KRT40: variants seen among roughly 807,000 people sequenced by gnomAD.
The protein encoded by KRT40 is keratin 40, also known as keratin, type I cytoskeletal 40.
Under a neutral mutation model 43.5 loss-of-function variants are expected in KRT40, and 47 were observed. The observed-to-expected ratio is 1.08, with a 90% confidence interval of 0.86 to 1.38. KRT40 has a LOEUF of 1.38. Ranked by LOEUF, KRT40 falls within the 40% of genes most tolerant of loss-of-function variation. KRT40 has a pLI of 0.00. For synonymous variants in KRT40, 212 were observed against 214.0 expected, an observed-to-expected ratio of 0.99 and a Z score of 0.08; for missense variants, 573 against 523.6, an observed-to-expected ratio of 1.09 and a Z score of -0.92.
At chr17:40,982,921 C>A (rs1435274413) in intron 2 of KRT40, 125 bp downstream of exon 2, 1 of 507,448 alleles carries the variant, frequency 2.0e-6, no homozygotes, top group East Asian at 3.4e-5. Context: ...GGCAGGAGAA[C>A]CACTTGAACC....
In KRT40 at chr17:40,978,024, A is replaced by G. The variant is rs1266312308; in HGVS notation, c.*173T>C. 3.5e-6 allele frequency: 2 copies of G among 567,846 alleles called. No homozygotes were observed. Among genetic ancestry groups the G allele is most frequent in the African/African-American group, 3.7e-5 (2 of 53,576 alleles). 35.2% of individuals were successfully genotyped at this position (567,846 alleles called of 1,614,324 possible). A position where few individuals can be genotyped will look rare whatever the true frequency, so the allele number is the denominator to read the frequency against. The stretch of plus-strand genomic sequence containing the variant: ...ATGGGCTTCCAGTATACCACAAATA[A>G]GCCGGAAGGAGAGGAAATAGTAAAG... On this transcript the variant is annotated 3_prime_UTR_variant, in exon 7 of 7. Coordinates refer to ENST00000377755, the MANE Select transcript of KRT40 (RefSeq NM_001389244.1).
At position 40,981,042 on chromosome 17, in the gene KRT40, T is replaced by G. The variant is rs202129270; in HGVS notation, c.797A>C (p.Glu266Ala). 8 of 1,614,246 alleles carry G rather than the reference T, an allele frequency of 5.0e-6. No homozygotes were observed. Among genetic ancestry groups the G allele is most frequent in the Non-Finnish European group, 6.8e-6 (8 of 1,180,044 alleles). The change falls in exon 4 of 7, where the codon GAA (glutamate) becomes GCA (alanine). Residue 266 changes from glutamate to alanine, a missense_variant. By Grantham distance (107) the Glu-to-Ala change is moderately radical (BLOSUM62 -1). Transcript: ENST00000377755. ...TCTGCGATTGTTGGCAAGCACCGTT[T>G]CACACTGACAGCGCATCTCATCCAG... ...RVLDEMRCQC[E>A]TVLANNRREA...
chr17:40,979,146 T>A, intron 5 of KRT40, 122 bp from the exon 6 acceptor site: 1 of 689,176 alleles, frequency 1.5e-6, no homozygotes. Flanking sequence ...ATTTAGCTTC[T>A]GTGAGTCTCA....
Position 40,978,836 on chromosome 17 carries a change from C to A in KRT40, c.1164G>T (p.Thr388=), listed in dbSNP as rs375959611. 2 of 1,612,958 alleles carry A rather than the reference C, an allele frequency of 1.2e-6. No individual in the cohort carries two copies. Among genetic ancestry groups the A allele is most frequent in the Admixed American group, 1.7e-5 (1 of 60,012 alleles). ...VKARLEGEIN[T]YWGLLDSEDS... is the part of the protein sequence containing the mutation. ...CCTCGCTGTCCAGCAGGCCCCAGTA[C>A]GTGTTGATCTCACCCTCCAGCCGGG... is the stretch of plus-strand genomic sequence containing the variant. Residue 388 remains threonine (T), a synonymous_variant, in exon 6 of 7, where the codon ACG becomes ACT. Transcript: ENST00000377755.
Position 40,978,297 on chromosome 17 carries a change from C to T in KRT40, c.1197-1G>A, listed in dbSNP as rs1471173542. 3.7e-6 allele frequency: 6 copies of T among 1,613,024 alleles called. No homozygotes were observed. Among genetic ancestry groups the T allele is most frequent in the Non-Finnish European group, 5.1e-6 (6 of 1,179,140 alleles). ...GGTCGAACATGGGCTACAGGAAAGC[C>T]TGGGGAAAAATCGATTTTCAACCAA... On this transcript the variant is annotated splice_acceptor_variant, in intron 6 of 6. Coordinates refer to ENST00000377755, the MANE Select transcript of KRT40 (RefSeq NM_001389244.1). LOFTEE classifies it high-confidence loss of function.
upstream of KRT40, among the ~76,000 whole-genome samples, chr17:40,986,611 C>A (rs984974382): frequency 6.6e-6 from 1 of 152,058 alleles, no homozygotes; most frequent in African/African-American, 2.4e-5. Flanking sequence ...TCTTCTTACC[C>A]CCATGCCACC....
Position 40,980,913 on chromosome 17 carries a change from G to A in KRT40, c.850-3C>T. ...TGCTGCTGATTCAGCTCTTCTGTCTGAAACACAGACACCATTAGAGAATTC... is the reference window on the plus strand; with the variant it reads ...TGCTGCTGATTCAGCTCTTCTGTCTAAAACACAGACACCATTAGAGAATTC... On this transcript the variant is annotated splice_region_variant and splice_polypyrimidine_tract_variant and intron_variant, in intron 4 of 6. Transcript: ENST00000377755. 6.2e-7 allele frequency: 1 copy of A among 1,614,110 alleles called. No homozygotes were observed. Among genetic ancestry groups the A allele is most frequent in the South Asian group, 1.1e-5 (1 of 91,072 alleles).
chr17:40,986,254 A>G (rs932286805), upstream of KRT40: 1 of 152,286 alleles, frequency 6.6e-6, no homozygotes, highest in East Asian at 1.9e-4. Flanking sequence ...AATAAAAAAA[A>G]CCAAAAAACA....
At chr17:40,986,247 A>T (rs976458105), upstream of KRT40, 9 of 142,044 alleles carry the variant, frequency 6.3e-5, no homozygotes, top group South Asian at 2.1e-4. Flanking sequence ...ATAAATAAAT[A>T]AAAAAAACCA....
chr17:40,979,946 C>T (rs539112770), intron 5 of KRT40, among the ~76,000 whole-genome samples: 1 of 152,242 alleles, frequency 6.6e-6, no homozygotes, highest in East Asian at 1.9e-4. Flanking sequence ...GTGATGGATG[C>T]TCTAAATATC....
Position 40,983,904 on chromosome 17 carries a change from G to T in KRT40, c.370C>A (p.Gln124Lys). ...NAELESRIQE[Q>K]CEQDIPMVCP... is the part of the protein sequence containing the mutation. ...ACCATTGGGATATCCTGTTCACATT[G>T]TTCTTGGATCCTGGATTCCAGCTCT... is the stretch of plus-strand genomic sequence containing the variant. Residue 124 changes from glutamine to lysine, a missense_variant, in exon 1 of 7, where the codon CAA becomes AAA. Transcript: ENST00000377755. 6.2e-7 allele frequency: 1 copy of T among 1,614,132 alleles called. No individual in the cohort carries two copies. The highest frequency in any genetic ancestry group is 1.3e-5 in the African/African-American group (1 of 75,030).
Position 40,984,001 on chromosome 17 carries a change from C to G in KRT40, c.273G>C (p.Glu91Asp). 6.2e-7 allele frequency: 1 copy of G among 1,614,160 alleles called. No individual in the cohort carries two copies. The highest frequency in any genetic ancestry group is 1.7e-5 in the Admixed American group (1 of 60,008). Residue 91 changes from glutamate (E) to aspartate (D), a missense_variant, in exon 1 of 7, where the codon GAG becomes GAC. Transcript: ENST00000377755. ...EDGVFTSNEKETMQFLNDRLA... is the reference protein window; with the variant it reads ...EDGVFTSNEKDTMQFLNDRLA... ...GTCTGTCATTCAGGAACTGCATCGT[C>G]TCCTTCTCATTGCTAGTGAACACCC...
rs765102889 is a variant in KRT40, at chr17:40,981,112, T to A, written c.727A>T (p.Ser243Cys). 6.2e-7 allele frequency: 1 copy of A among 1,614,142 alleles called. No individual in the cohort carries two copies. The highest frequency in any genetic ancestry group is 1.7e-4 in the Middle Eastern group (1 of 6,060). ...LLREQLGDRL[S>C]VELDTAPTLD... ...GTGGGGGCAGTGTCCAGCTCCACAC[T>A]GAGGCGGTCGCCAAGCTGTTCACGA... is the stretch of plus-strand genomic sequence containing the variant. The change falls in exon 4 of 7, where the codon AGT becomes TGT. Residue 243 changes from serine to cysteine, a missense_variant. Ser to Cys is a moderately radical substitution (Grantham distance 112). Coordinates refer to ENST00000377755, the MANE Select transcript of KRT40 (RefSeq NM_001389244.1).
chr17:40,986,523 C>G (rs1210615818), upstream of KRT40: 1 of 152,268 alleles, frequency 6.6e-6, no homozygotes, highest in Non-Finnish European at 1.5e-5. Context: ...GCTGTGCTGC[C>G]CATTGCTTCC....
In KRT40 at chr17:40,982,381, A is replaced by T. The variant is rs759859787; in HGVS notation, c.613T>A (p.Cys205Ser). 1 of 1,612,182 alleles carries T rather than the reference A, an allele frequency of 6.2e-7. No homozygotes were observed. Among genetic ancestry groups the T allele is most frequent in the Non-Finnish European group, 8.5e-7 (1 of 1,179,144 alleles). The change falls in exon 3 of 7, where the codon TGC becomes AGC. Residue 205 changes from cysteine to serine, a missense_variant. By Grantham distance (112) the Cys-to-Ser change is moderately radical. Transcript: ENST00000377755. Reference protein sequence around the residue: ...LHGILEELTLCKSDLEAHVES... With the variant: ...LHGILEELTLSKSDLEAHVES... ...ACATGGGCCTCCAGATCAGATTTGC[A>T]CAGGGTCAGTTCCTCCAGGATCCCA...
rs528511961 is a variant in KRT40, at chr17:40,978,940, G to A, written c.1060C>T (p.Leu354=). 6.2e-7 allele frequency: 1 copy of A among 1,614,124 alleles called. No individual in the cohort carries two copies. The highest frequency in any genetic ancestry group is 8.5e-7 in the Non-Finnish European group (1 of 1,180,012). The change falls in exon 6 of 7, where the codon CTG becomes TTG. Residue 354 remains leucine, a synonymous_variant. Coordinates refer to ENST00000377755, the MANE Select transcript of KRT40 (RefSeq NM_001389244.1). The part of the protein sequence containing the change: ...LAQIQCLIDN[L]ENQLAEIRCD... ...CGGATCTCGGCCAGCTGGTTCTCCA[G>A]GTTATCGATCAGACACTGAATTTGG...
upstream of KRT40, among the ~76,000 whole-genome samples, chr17:40,986,747 A>T (rs903083567): frequency 6.6e-6 from 1 of 151,430 alleles, no homozygotes; most frequent in African/African-American, 2.4e-5. Flanking sequence ...AAAAAAACCG[A>T]CAACAACACG....
chr17:40,982,296 A>G lies in KRT40; in HGVS notation c.687+11T>C, dbSNP rs758846369. 8 of 1,536,848 alleles carry G rather than the reference A, an allele frequency of 5.2e-6. No homozygotes were observed. The highest frequency in any genetic ancestry group is 1.4e-5 in the African/African-American group (1 of 71,046). On this transcript the variant is annotated intron_variant, in intron 3 of 6. Coordinates refer to ENST00000377755, the MANE Select transcript of KRT40 (RefSeq NM_001389244.1). ...CTCGGAGTCCTTCAGCGGAGTTGCCACTTTCCTTACCTCTTCATGGTTTTT... is the reference window on the plus strand; with the variant it reads ...CTCGGAGTCCTTCAGCGGAGTTGCCGCTTTCCTTACCTCTTCATGGTTTTT...
upstream of KRT40, among the ~76,000 whole-genome samples, chr17:40,985,726 C>T (rs892882356): frequency 3.9e-5 from 6 of 152,136 alleles, no homozygotes; most frequent in Non-Finnish European, 8.8e-5. Context: ...GCAAAAAGTT[C>T]TTAGAGTGTC....
Sources: gnomAD v4.1 joint callset for allele counts (sites outside exome capture counted in the v4.1 genomes callset) on GRCh38, gnomAD v4.1.1 for gene constraint, MANE v1.5 for transcripts, NCBI Gene and HGNC (gene_info 2026-07-23, HGNC 2026-07-21) for gene names.